The following MMUT variants were observed in gnomAD, a reference collection of about 807,000 sequenced individuals.
MMUT encodes the protein methylmalonyl-CoA mutase, mitochondrial.
Under a neutral mutation model 79.9 loss-of-function variants are expected in MMUT, and 79 were observed. The ratio of observed to expected loss-of-function variants is 0.99; its 90% CI spans 0.82 to 1.19. MMUT has a LOEUF of 1.19. Among genes scored for constraint, MMUT ranks in the 50% most tolerant of loss-of-function variants. The pLI is 0.00. For synonymous variants in MMUT, 273 were observed against 295.7 expected (o/e 0.92, Z 0.79); for missense variants, 860 against 917.2 (o/e 0.94, Z 0.81).
chr6:49,448,683 T>C, intron 7 of MMUT, 133 bp downstream of exon 7: 1 of 712,698 alleles, frequency 1.4e-6, no homozygotes, highest in Non-Finnish European at 2.5e-6. Flanking sequence ...TAGATACAAG[T>C]ATATGAGAAA....
At chr6:49,453,926 T>C (rs1322306738) in intron 4 of MMUT, among the ~76,000 whole-genome samples, 170 bp from the exon 5 acceptor site, 2 of 152,242 alleles carry the variant, frequency 1.3e-5, no homozygotes, top group African/African-American at 4.8e-5. Flanking sequence ...AAACCTAACA[T>C]AAAATTACAG....
In MMUT at chr6:49,431,857, C is replaced by T; in HGVS notation, c.2125-1G>A. On this transcript the variant is annotated splice_acceptor_variant, in intron 12 of 12. Transcript: ENST00000274813. LOFTEE classifies it high-confidence loss of function. ...CAACTTCAAACAGAAATTCATAATC[C>T]TGTTGAAAGAATGTGTTTAATTAAT... 6.2e-7 allele frequency: 1 copy of T among 1,613,158 alleles called. No homozygotes were observed. The highest frequency in any genetic ancestry group is 8.5e-7 in the Non-Finnish European group (1 of 1,179,234).
chr6:49,432,384 TTTTG>T (rs1767002342), intron 12 of MMUT, among the ~76,000 whole-genome samples: 1 of 151,994 alleles, frequency 6.6e-6, no homozygotes, highest in African/African-American at 2.4e-5. Flanking sequence ...TATTTATTTG[TTTTG>T]TTTATTTATT....
At chr6:49,462,161 C>G (rs1767866325) in intron 1 of MMUT, among the ~76,000 whole-genome samples, 1 of 152,126 alleles carries the variant, frequency 6.6e-6, no homozygotes, top group Admixed American at 6.5e-5. Context: ...TGAATTTTCT[C>G]AGAAGACCAT....
chr6:49,435,899 G>T (rs1403799345), intron 11 of MMUT, among the ~76,000 whole-genome samples: 4 of 152,026 alleles, frequency 2.6e-5, no homozygotes, highest in African/African-American at 9.7e-5. Flanking sequence ...TCTGACAAAG[G>T]TCTAATACCT....
intron 11 of MMUT, among the ~76,000 whole-genome samples, chr6:49,438,994 A>G (rs1767203440): frequency 6.6e-6 from 1 of 152,026 alleles, no homozygotes; most frequent in African/African-American, 2.4e-5. Flanking sequence ...ACACTTAATA[A>G]ACTCCCCCTT....
At chr6:49,450,589 A>T (rs975865992) in intron 6 of MMUT, among the ~76,000 whole-genome samples, 1 of 152,188 alleles carries the variant, frequency 6.6e-6, no homozygotes, top group African/African-American at 2.4e-5. Flanking sequence ...CTAGAATAAA[A>T]AACAGATCAA....
chr6:49,441,985 T>G lies in MMUT; in HGVS notation c.1677-14A>C. On this transcript the variant is annotated splice_polypyrimidine_tract_variant and intron_variant, in intron 9 of 12. Transcript: ENST00000274813. ...CCCACTGTACATCTGAAACATGAAA[T>G]GGTGGTTCCATTAACTTCATTATTT... is the stretch of plus-strand genomic sequence containing the variant. 1.2e-6 allele frequency: 2 copies of G among 1,605,760 alleles called. No individual in the cohort carries two copies. The highest frequency in any genetic ancestry group is 1.7e-6 in the Non-Finnish European group (2 of 1,173,232).
At chr6:49,434,931 T>C (rs1034175189) in intron 12 of MMUT, among the ~76,000 whole-genome samples, 17 of 152,168 alleles carry the variant, frequency 1.1e-4, no homozygotes, top group Non-Finnish European at 4.4e-5. Flanking sequence ...ACCATGTAAA[T>C]GATATAGCTC....
intron 12 of MMUT, among the ~76,000 whole-genome samples, 165 bp from the exon 13 acceptor site, chr6:49,432,021 A>G (rs946931010): frequency 5.9e-5 from 9 of 152,206 alleles, no homozygotes; most frequent in Non-Finnish European, 4.4e-5. Flanking sequence ...AGTGCTACTA[A>G]TAGTCATCAG....
At chr6:49,459,651 T>C (rs1767790305) in intron 1 of MMUT, 146 bp from the exon 2 acceptor site, 1 of 701,306 alleles carries the variant, frequency 1.4e-6, no homozygotes, top group Non-Finnish European at 2.3e-6. Flanking sequence ...TGATATTTTA[T>C]AACTTTGGCC....
intron 8 of MMUT, 85 bp downstream of exon 8, chr6:49,447,585 T>C: frequency 1.3e-6 from 1 of 771,566 alleles, no homozygotes; most frequent in Admixed American, 2.1e-5. Flanking sequence ...TAAGGATTAA[T>C]TTAAGCAGGA....
At chr6:49,433,096 T>G (rs1767029930) in intron 12 of MMUT, among the ~76,000 whole-genome samples, 1 of 152,232 alleles carries the variant, frequency 6.6e-6, no homozygotes, top group Admixed American at 6.5e-5. Flanking sequence ...ATGTCCAATC[T>G]GTTTCCCCAG....
At chr6:49,436,801 TG>T (rs1767143780) in intron 11 of MMUT, among the ~76,000 whole-genome samples, 1 of 152,142 alleles carries the variant, frequency 6.6e-6, no homozygotes. Flanking sequence ...TGGATGAAGC[TG>T]GAAGCCATTA....
At position 49,443,613 on chromosome 6, in the gene MMUT, T is replaced by G. The variant is rs540435971; in HGVS notation, c.1676+1026A>C. On this transcript the variant is annotated intron_variant, in intron 9 of 12. Coordinates refer to ENST00000274813, the MANE Select transcript of MMUT (RefSeq NM_000255.4). ...AGACTCCTTCTGGTTCTTAATATAA[T>G]AAATTTATTTATATATGATACATAT... Among the ~76,000 whole-genome samples, 5 of 152,124 alleles carry G rather than the reference T, an allele frequency of 3.3e-5. No homozygotes were observed. The South Asian group carries it at 1.0e-3, about 32-fold the overall frequency.
intron 8 of MMUT, among the ~76,000 whole-genome samples, chr6:49,446,478 C>T (rs1388888922): frequency 6.6e-6 from 1 of 151,862 alleles, no homozygotes; most frequent in Non-Finnish European, 1.5e-5. Context: ...CCTAAACTGG[C>T]TCTAGAGTCA....
intron 11 of MMUT, among the ~76,000 whole-genome samples, chr6:49,436,116 C>T (rs1164544084): frequency 5.9e-5 from 9 of 152,032 alleles, no homozygotes; most frequent in Admixed American, 5.9e-4. Flanking sequence ...ATTAAAAAGT[C>T]AAAAAATAAC....
intron 2 of MMUT, 47 bp downstream of exon 2, chr6:49,459,035 A>C: frequency 1.3e-6 from 2 of 1,568,966 alleles, no homozygotes; most frequent in Admixed American, 1.7e-5. Context: ...AAAAACTAGG[A>C]GGCATATGAC....
intron 4 of MMUT, among the ~76,000 whole-genome samples, chr6:49,455,431 T>C (rs1767661654): frequency 6.6e-6 from 1 of 152,174 alleles, no homozygotes; most frequent in Admixed American, 6.5e-5. Context: ...TCACAGTAAG[T>C]ACACAAATCC....
Sources: allele counts gnomAD v4.1 joint callset (sites outside exome capture counted in the v4.1 genomes callset), GRCh38; gene constraint gnomAD v4.1.1; transcripts MANE v1.5; gene names NCBI Gene and HGNC (gene_info 2026-07-23, HGNC 2026-07-21).